The following PTPRN2 variants were observed in gnomAD, a reference collection of about 807,000 sequenced individuals.
PTPRN2 encodes the protein protein tyrosine phosphatase receptor type N2, also known as receptor-type tyrosine-protein phosphatase N2.
A neutral mutation model predicts 118.8 loss-of-function variants in PTPRN2; 74 were observed. That is an observed-to-expected ratio of 0.62 (90% CI 0.52 to 0.76). The LOEUF is 0.76. PTPRN2 is among the 30% of genes least tolerant of loss of function. The probability of loss-of-function intolerance (pLI) is 0.00; values close to 1 mark genes in which losing one functional copy is unlikely to be tolerated. For synonymous variants in PTPRN2, 641 were observed against 608.0 expected (o/e 1.05, Z -0.80); for missense variants, 1,481 against 1,394.4 (o/e 1.06, Z -0.99).
At chr7:158,401,676 G>A (rs1272028231) in intron 2 of PTPRN2, among the ~76,000 whole-genome samples, 5 of 152,242 alleles carry the variant, frequency 3.3e-5, no homozygotes, top group African/African-American at 1.2e-4. Context: ...AATGTCTTTA[G>A]TAAAATATCT....
At chr7:157,804,604 G>A (rs985549943) in intron 12 of PTPRN2, among the ~76,000 whole-genome samples, 1 of 152,032 alleles carries the variant, frequency 6.6e-6, no homozygotes, top group Non-Finnish European at 1.5e-5. Context: ...CTAGATGAGG[G>A]GTGACACATA....
intron 3 of PTPRN2, among the ~76,000 whole-genome samples, chr7:158,316,209 G>T (rs540772704): frequency 1.3e-5 from 2 of 152,096 alleles, no homozygotes; most frequent in Non-Finnish European, 1.5e-5. Context: ...CCTTCCCTAC[G>T]CACAGTGCTC....
chr7:157,755,216 T>G (rs1009146015), intron 12 of PTPRN2, among the ~76,000 whole-genome samples: 7 of 152,302 alleles, frequency 4.6e-5, no homozygotes, highest in African/African-American at 1.4e-4. Context: ...AAAATCTTTA[T>G]GAAAGATGTA....
intron 1 of PTPRN2, among the ~76,000 whole-genome samples, chr7:158,528,251 G>A (rs1005868206): frequency 4.6e-5 from 7 of 152,172 alleles, no homozygotes; most frequent in Non-Finnish European, 5.9e-5. Context: ...GGGGGTACCC[G>A]TGCTTGGGTG....
intron 1 of PTPRN2, among the ~76,000 whole-genome samples, chr7:158,514,392 G>A (rs1655332678): frequency 6.6e-6 from 1 of 152,220 alleles, no homozygotes; most frequent in African/African-American, 2.4e-5. Context: ...TCCTCAGAAT[G>A]ACGTGGGCTG....
Position 158,532,608 on chromosome 7 carries a change from A to G in PTPRN2, c.113-42823T>C, listed in dbSNP as rs1825332395. On this transcript the variant is annotated intron_variant, in intron 1 of 22. Coordinates refer to ENST00000389418, the MANE Select transcript of PTPRN2 (RefSeq NM_002847.5). Reference sequence around the variant, plus strand: ...AGAGGAAAAAACATGGGTAAAAAGTAAGAAAAGACCAAAAACGTCACTAAA... The same window carrying G: ...AGAGGAAAAAACATGGGTAAAAAGTGAGAAAAGACCAAAAACGTCACTAAA... 37 of 418,586 alleles carry G rather than the reference A, an allele frequency of 8.8e-5. 1 individual carries two copies. Among genetic ancestry groups the G allele is most frequent in the South Asian group, 6.7e-4 (37 of 55,426 alleles). The allele number at this position is 418,586 out of a possible 1,614,324, so 25.9% of individuals were successfully genotyped here. A position where few individuals can be genotyped will look rare whatever the true frequency, so the allele number is the denominator to read the frequency against.
In PTPRN2 at chr7:157,690,501, C is replaced by T. The variant is rs1317269889; in HGVS notation, c.1789-7564G>A. Among the ~76,000 whole-genome samples the T allele has an allele frequency of 6.6e-6, 1 of 152,114 alleles. No homozygotes were observed. The highest frequency in any genetic ancestry group is 1.5e-5 in the Non-Finnish European group (1 of 68,006). On this transcript the variant is annotated intron_variant, in intron 12 of 22. Transcript: ENST00000389418. This position sits in a 1 kb window ranked among gnomAD's most constrained non-coding sequence, Gnocchi z 7.1. Reference sequence around the variant, plus strand: ...CAGCCTCTCTCGCCTCTTCCAGGGCCCACCCAACCGCACTACGAGCGCCCG... The same window carrying T: ...CAGCCTCTCTCGCCTCTTCCAGGGCTCACCCAACCGCACTACGAGCGCCCG...
intron 1 of PTPRN2, among the ~76,000 whole-genome samples, chr7:158,512,415 G>A (rs1351454468): frequency 6.6e-6 from 1 of 152,182 alleles, no homozygotes; most frequent in Non-Finnish European, 1.5e-5. Context: ...AATCCACATG[G>A]TAAGAGCCTG....
At chr7:157,675,431 C>T (rs1796621374) in intron 13 of PTPRN2, among the ~76,000 whole-genome samples, 1 of 152,222 alleles carries the variant, frequency 6.6e-6, no homozygotes, top group African/African-American at 2.4e-5. Context: ...CTCACCCGGG[C>T]GCCTTCTCCG....
At chr7:157,952,445 G>T (rs1160430920) in intron 11 of PTPRN2, among the ~76,000 whole-genome samples, 7 of 125,964 alleles carry the variant, frequency 5.6e-5, no homozygotes, top group African/African-American at 1.8e-4. Flanking sequence ...AGGGTGGGTA[G>T]TGTGCATGCC....
At chr7:158,151,496 C>T (rs1225001604) in intron 6 of PTPRN2, among the ~76,000 whole-genome samples, 1 of 151,802 alleles carries the variant, frequency 6.6e-6, no homozygotes. Context: ...CTGCCCACAC[C>T]GCCCGCCTTT....
intron 16 of PTPRN2, among the ~76,000 whole-genome samples, chr7:157,601,546 G>C (rs1801667603): frequency 1.3e-5 from 2 of 152,200 alleles, no homozygotes; most frequent in African/African-American, 4.8e-5. Context: ...CCAAGCTCCT[G>C]CCCAGTAAGG....
chr7:158,434,899 A>G (rs557451454), intron 2 of PTPRN2, among the ~76,000 whole-genome samples: 158 of 152,344 alleles, frequency 1.0e-3, no homozygotes, highest in Non-Finnish European at 1.6e-3. Flanking sequence ...GGATACACAC[A>G]TGCACATAAC....
chr7:157,832,781 G>T (rs12154443), intron 12 of PTPRN2, among the ~76,000 whole-genome samples: 20,639 of 152,180 alleles, frequency 0.14, 2,644 homozygotes, highest in African/African-American at 0.33. Context: ...AAATATTTCA[G>T]TATATGGAGC....
intron 2 of PTPRN2, among the ~76,000 whole-genome samples, chr7:158,440,913 G>T (rs980514949): frequency 4.8e-5 from 7 of 147,044 alleles, no homozygotes; most frequent in Non-Finnish European, 8.9e-5. Flanking sequence ...CGGTGATGAT[G>T]ATGGTAGTGA....
chr7:158,472,409 T>C (rs1477735106), intron 2 of PTPRN2, among the ~76,000 whole-genome samples: 2 of 152,236 alleles, frequency 1.3e-5, no homozygotes, highest in Non-Finnish European at 2.9e-5. Context: ...GCCCTGTTAT[T>C]GTCAGTGACG....
At position 158,192,330 on chromosome 7, in the gene PTPRN2, A is replaced by G. The variant is rs766024863; in HGVS notation, c.546T>C (p.Ala182=). 3 of 1,473,540 alleles carry G rather than the reference A, an allele frequency of 2.0e-6. No individual in the cohort carries two copies. Among genetic ancestry groups the G allele is most frequent in the Non-Finnish European group, 2.7e-6 (3 of 1,119,384 alleles). The allele number at this position is 1,473,540 out of a possible 1,614,324, so 91.3% of individuals were successfully genotyped here. The change falls in exon 5 of 23, where the codon GCT becomes GCC. Residue 182 remains alanine, a synonymous_variant. Coordinates refer to ENST00000389418, the MANE Select transcript of PTPRN2 (RefSeq NM_002847.5). ...GGGGAGGAAGTGGAAGGGTCACCTC[A>G]GCGGGGGGTCTGTCCTGCGCCGTAT... The part of the protein sequence containing the change: ...RTHTAQDRPP[A]EGDDRFSESI...
At position 157,598,849 on chromosome 7, in the gene PTPRN2, C is replaced by T. The variant is rs1260125406; in HGVS notation, c.2419-3534G>A. On this transcript the variant is annotated intron_variant, in intron 16 of 22. Transcript: ENST00000389418. The surrounding 1 kb of genome is among the most constrained non-coding windows in gnomAD (Gnocchi z 5.2). ...GGCCAAGCATCTGAATGGCGAGGTG[C>T]GGTCATTTCTGAGCGCTTTCTCCCC... 6.6e-6 allele frequency among the ~76,000 whole-genome samples: 1 copy of T among 152,116 alleles called. No individual in the cohort carries two copies. The highest frequency in any genetic ancestry group is 2.4e-5 in the African/African-American group (1 of 41,396).
intron 2 of PTPRN2, among the ~76,000 whole-genome samples, chr7:158,415,104 CAACCAGCTACTTCTCTGATGAT>C (rs1435682518): frequency 1.2e-3 from 184 of 151,340 alleles, no homozygotes; most frequent in Non-Finnish European, 1.1e-3. Context: ...TCTGATGATA[CAACCAGCTACTTCTCTGATGAT>C]ACAAACAGCT....
Sources: allele counts gnomAD v4.1 joint callset (sites outside exome capture counted in the v4.1 genomes callset), GRCh38; gene constraint gnomAD v4.1.1; non-coding constraint Gnocchi (gnomAD v3.1); transcripts MANE v1.5; gene names NCBI Gene and HGNC (gene_info 2026-07-23, HGNC 2026-07-21).